The following HIPK4 variants were observed in gnomAD, a reference collection of about 807,000 sequenced individuals.
HIPK4 encodes the protein homeodomain interacting protein kinase 4.
HIPK4 carries 26 observed loss-of-function variants against 44.8 expected under a neutral mutation model. The observed-to-expected ratio is 0.58, with a 90% confidence interval of 0.43 to 0.80. HIPK4 has a LOEUF of 0.80. Ranked by LOEUF, HIPK4 falls within the 30% of genes least tolerant of loss-of-function variation. The probability of loss-of-function intolerance (pLI) is 0.00; values close to 1 mark genes in which losing one functional copy is unlikely to be tolerated. For synonymous variants in HIPK4, 340 were observed against 355.5 expected (o/e 0.96, Z 0.49); for missense variants, 729 against 862.6 (o/e 0.85, Z 1.94).
Position 40,389,576 on chromosome 19 carries a change from G to C in HIPK4, c.327C>G (p.Pro109=). The C allele has an allele frequency of 6.2e-7, 1 of 1,613,864 alleles. No individual in the cohort carries two copies. Among genetic ancestry groups the C allele is most frequent in the Non-Finnish European group, 8.5e-7 (1 of 1,179,920 alleles). ...FQKENNFAPL[P]ARHIRTVTLQ... ...GGGTGACTGTACGGATGTGGCGGGC[G>C]GGGAGGGGCGCGAAGTTGTTCTCCT... The change falls in exon 1 of 4, where the codon CCC becomes CCG. Residue 109 remains proline, a synonymous_variant. Transcript: ENST00000291823. This position sits in a 1 kb window ranked among gnomAD's most constrained non-coding sequence, Gnocchi z 4.6.
At chr19:40,382,774 G>A (rs1319226138) in intron 2 of HIPK4, among the ~76,000 whole-genome samples, 3 of 151,734 alleles carry the variant, frequency 2.0e-5, no homozygotes, top group East Asian at 1.9e-4. Context: ...TTGGCCGAGC[G>A]CGGTGGCTCA....
chr19:40,379,984 G>A (rs2079323032), intron 3 of HIPK4, among the ~76,000 whole-genome samples: 1 of 152,132 alleles, frequency 6.6e-6, no homozygotes, highest in Non-Finnish European at 1.5e-5. Context: ...CTGAGTAGCT[G>A]GGACTACAGG....
chr19:40,384,162 C>T lies in HIPK4; in HGVS notation c.466-23G>A, dbSNP rs765316419. 7.1e-6 allele frequency: 11 copies of T among 1,544,082 alleles called. No homozygotes were observed. The Admixed American group carries it at 9.1e-5, about 13-fold the overall frequency. ...CACCTGTCGGGGGTGGGGAAGAGGG[C>T]GAGTGGGCAGGTCAAGCAGCAGGGA... On this transcript the variant is annotated intron_variant, in intron 1 of 3. Transcript: ENST00000291823.
At position 40,379,712 on chromosome 19, in the gene HIPK4, GCTCA is replaced by G. The variant is rs1568692383; in HGVS notation, c.1722_1725del (p.Glu575GlnfsTer55). ...CTGACGCTCTCCAGGGTGCAGTCTG[GCTCA>G]CTCAGCCATTCTCCAGGACAGCTGC... is the stretch of plus-strand genomic sequence containing the variant. On this transcript the variant is annotated frameshift_variant, in exon 4 of 4. Coordinates refer to ENST00000291823, the MANE Select transcript of HIPK4 (RefSeq NM_144685.5). LOFTEE classifies it high-confidence loss of function. The G allele has an allele frequency of 6.2e-7, 1 of 1,609,578 alleles. No individual in the cohort carries two copies.
intron 2 of HIPK4, among the ~76,000 whole-genome samples, chr19:40,382,709 C>T (rs1369540134): frequency 2.6e-5 from 4 of 152,064 alleles, no homozygotes; most frequent in Non-Finnish European, 5.9e-5. Flanking sequence ...AGTTCCAGTC[C>T]TCATTGAGGT....
At chr19:40,387,272 C>T (rs1239673952) in intron 1 of HIPK4, among the ~76,000 whole-genome samples, 1 of 152,098 alleles carries the variant, frequency 6.6e-6, no homozygotes, top group Non-Finnish European at 1.5e-5. Context: ...TAGGAAGACA[C>T]CTCCCTGAAG....
intron 2 of HIPK4, among the ~76,000 whole-genome samples, chr19:40,381,889 T>G (rs2079339089): frequency 7.4e-6 from 1 of 135,084 alleles, no homozygotes; most frequent in Non-Finnish European, 1.5e-5. Flanking sequence ...CACTGCAACC[T>G]CCACCTCCCA....
chr19:40,380,606 G>A lies in HIPK4; in HGVS notation c.1385C>T (p.Thr462Ile). ...GCCCGAGTCGGGCACATGGTGGCCAGTGATGGCTGCCTTGAGGGGGACCAT... is the reference window on the plus strand; with the variant it reads ...GCCCGAGTCGGGCACATGGTGGCCAATGATGGCTGCCTTGAGGGGGACCAT... ...DMMVPLKAAI[T>I]GHHVPDSGPE... The change falls in exon 3 of 4, where the codon ACT becomes ATT. Residue 462 changes from threonine to isoleucine, a missense_variant. This residue lies in a region of HIPK4 where 533 missense variants were observed against 567.5 expected (regional missense o/e 0.94). Coordinates refer to ENST00000291823, the MANE Select transcript of HIPK4 (RefSeq NM_144685.5). This position sits in a 1 kb window ranked among gnomAD's most constrained non-coding sequence, Gnocchi z 4.2. 3 of 1,613,388 alleles carry A rather than the reference G, an allele frequency of 1.9e-6. No homozygotes were observed. The highest frequency in any genetic ancestry group is 1.1e-5 in the South Asian group (1 of 91,090).
chr19:40,381,707 G>C (rs1352172716), intron 2 of HIPK4, among the ~76,000 whole-genome samples: 1 of 151,502 alleles, frequency 6.6e-6, no homozygotes, highest in East Asian at 1.9e-4. Context: ...TGCACAGATG[G>C]GAGGGGCAAA....
rs139731065 is a variant in HIPK4 at position 40,389,425 on chromosome 19, G to A, written c.465+13C>T. ...AACTAGGGACGCAGCCACCCTAGACGACCCCTACTCACCTTGACCCTGAAG... is the reference window on the plus strand; with the variant it reads ...AACTAGGGACGCAGCCACCCTAGACAACCCCTACTCACCTTGACCCTGAAG... On this transcript the variant is annotated intron_variant, in intron 1 of 3. Coordinates refer to ENST00000291823, the MANE Select transcript of HIPK4 (RefSeq NM_144685.5). This position sits in a 1 kb window ranked among gnomAD's most constrained non-coding sequence, Gnocchi z 4.6. 8.4e-4 allele frequency: 1,281 copies of A among 1,526,676 alleles called. 3 individuals carry two copies. Among genetic ancestry groups the A allele is most frequent in the Middle Eastern group, 1.8e-3 (10 of 5,646 alleles). 94.6% of individuals were successfully genotyped at this position (1,526,676 alleles called of 1,614,324 possible). A position where few individuals can be genotyped will look rare whatever the true frequency, so the allele number is the denominator to read the frequency against.
At chr19:40,384,448 C>T (rs1486213542) in intron 1 of HIPK4, among the ~76,000 whole-genome samples, 2 of 152,150 alleles carry the variant, frequency 1.3e-5, no homozygotes, top group East Asian at 1.9e-4. Context: ...GGATTGCAGG[C>T]GCCCACCACC....
intron 2 of HIPK4, among the ~76,000 whole-genome samples, chr19:40,383,211 T>C (rs1386339822): frequency 1.3e-5 from 2 of 149,106 alleles, no homozygotes; most frequent in Non-Finnish European, 3.0e-5. Flanking sequence ...GCCCGCCGAG[T>C]AGCTGGAATT....
At position 40,389,105 on chromosome 19, in the gene HIPK4, C is replaced by T. The variant is rs1240789163; in HGVS notation, c.465+333G>A. Among the ~76,000 whole-genome samples the T allele has an allele frequency of 6.6e-6, 1 of 151,808 alleles. No individual in the cohort carries two copies. The highest frequency in any genetic ancestry group is 2.4e-5 in the African/African-American group (1 of 41,278). ...GGCTGAGGCAGGAGAATCGCTTGAA[C>T]CCGGGAGGCGGAGGCAGTGAACCAA... is the stretch of plus-strand genomic sequence containing the variant. On this transcript the variant is annotated intron_variant, in intron 1 of 3. Transcript: ENST00000291823. This position sits in a 1 kb window ranked among gnomAD's most constrained non-coding sequence, Gnocchi z 4.6.
intron 2 of HIPK4, 41 bp downstream of exon 2, chr19:40,383,742 C>T: frequency 2.0e-6 from 3 of 1,477,282 alleles, no homozygotes; most frequent in South Asian, 2.6e-5. Flanking sequence ...TTTCATGTAA[C>T]AGCCCCCACA....
In HIPK4 at chr19:40,379,624, G is replaced by GC; in HGVS notation, c.1813dup (p.Ala605GlyfsTer44). The GC allele has an allele frequency of 2.6e-6, 4 of 1,547,560 alleles. No homozygotes were observed. Among genetic ancestry groups the GC allele is most frequent in the Non-Finnish European group, 2.6e-6 (3 of 1,147,996 alleles). On this transcript the variant is annotated frameshift_variant, in exon 4 of 4. Transcript: ENST00000291823. LOFTEE classifies it high-confidence loss of function. ...GGTGACATGCTGGAGGAAGCTGGTG[G>GC]CCCCCCGGGGTGGACCATGCTGGTG...
At chr19:40,384,592 A>C (rs1196905201) in intron 1 of HIPK4, among the ~76,000 whole-genome samples, 3 of 145,544 alleles carry the variant, frequency 2.1e-5, no homozygotes, top group East Asian at 2.0e-4. Flanking sequence ...GGCGTGAGCC[A>C]CCGCACCCAG....
In HIPK4 at chr19:40,379,669, C is replaced by A. The variant is rs1191132665; in HGVS notation, c.1769G>T (p.Gly590Val). Residue 590 changes from glycine (G) to valine (V), a missense_variant, in exon 4 of 4, where the codon GGG becomes GTG. Physicochemically the swap from Gly to Val is moderately radical, Grantham distance 109. Around this residue, in one of 2 missense-constraint regions of HIPK4, gnomAD observed 533 missense variants for 567.5 expected, o/e 0.94. Coordinates refer to ENST00000291823, the MANE Select transcript of HIPK4 (RefSeq NM_144685.5). ...LESVRGPRAQ[G>V]LPPRRSHQHG... ...CTGGTGGGAGCGGCGGGGTGGGAGC[C>A]CCTGAGCCCGTGGGCCCCTGACGCT... is the stretch of plus-strand genomic sequence containing the variant. 17 of 1,554,366 alleles carry A rather than the reference C, an allele frequency of 1.1e-5. No homozygotes were observed. Among genetic ancestry groups the A allele is most frequent in the Non-Finnish European group, 1.5e-5 (17 of 1,152,898 alleles).
chr19:40,385,803 G>A (rs2079360872), intron 1 of HIPK4, among the ~76,000 whole-genome samples: 1 of 143,800 alleles, frequency 7.0e-6, no homozygotes, highest in Admixed American at 7.3e-5. Flanking sequence ...CTCCTCCCAG[G>A]TTCCAGTGAT....
At position 40,389,862 on chromosome 19, in the gene HIPK4, A is replaced by T; in HGVS notation, c.41T>A (p.Ile14Asn). 6.2e-7 allele frequency: 1 copy of T among 1,612,258 alleles called. No individual in the cohort carries two copies. The highest frequency in any genetic ancestry group is 8.5e-7 in the Non-Finnish European group (1 of 1,179,996). ...GAAGGTCCCCTTGCCCAAGACCTCG[A>T]TGATGTCGTAGCAGTCAGTCTCCGA... is the stretch of plus-strand genomic sequence containing the variant. ...IQSETDCYDI[I>N]EVLGKGTFGE... is the part of the protein sequence containing the mutation. Residue 14 changes from isoleucine (I) to asparagine (N), a missense_variant, in exon 1 of 4, where the codon ATC becomes AAC. Physicochemically the swap from Ile to Asn is moderately radical, Grantham distance 149 (BLOSUM62 -3). Transcript: ENST00000291823. The surrounding 1 kb of genome is among the most constrained non-coding windows in gnomAD (Gnocchi z 4.6).
Sources: gnomAD v4.1 joint callset for allele counts (sites outside exome capture counted in the v4.1 genomes callset) on GRCh38, gnomAD v4.1.1 for gene constraint, gnomAD v4.1.1 regional missense constraint, Gnocchi (gnomAD v3.1) non-coding constraint, MANE v1.5 for transcripts, NCBI Gene and HGNC (gene_info 2026-07-23, HGNC 2026-07-21) for gene names.